ENTREP2: variants seen among roughly 807,000 people sequenced by gnomAD.
ENTREP2 encodes the protein protein ENTREP2.
chr15:29,381,494 G>T, the ENTREP2 span, among the ~76,000 whole-genome samples: 1 of 136,362 alleles, frequency 7.3e-6, no homozygotes, highest in East Asian at 2.4e-4. Flanking sequence ...CTTGGTTCAC[G>T]CTCGGTCCTT....
At chr15:29,647,009 C>A in the ENTREP2 span, among the ~76,000 whole-genome samples, 1 of 152,200 alleles carries the variant, frequency 6.6e-6, no homozygotes, top group African/African-American at 2.4e-5. Flanking sequence ...TCATGCCTCT[C>A]CACCCACCTG....
At chr15:29,546,249 T>A in the ENTREP2 span, among the ~76,000 whole-genome samples, 2 of 152,188 alleles carry the variant, frequency 1.3e-5, no homozygotes, top group African/African-American at 4.8e-5. Flanking sequence ...GCATCTTTTT[T>A]AAGATAAAAG....
the ENTREP2 span, among the ~76,000 whole-genome samples, chr15:29,270,417 G>A: frequency 1.3e-5 from 2 of 151,488 alleles, no homozygotes; most frequent in African/African-American, 4.9e-5. Flanking sequence ...ACTATGAGAA[G>A]ACCACAAAAA....
At chr15:29,342,247 T>C in the ENTREP2 span, among the ~76,000 whole-genome samples, 4 of 152,158 alleles carry the variant, frequency 2.6e-5, 1 homozygote, top group South Asian at 6.2e-4. Flanking sequence ...TTTGTATGTG[T>C]ATGGGCAGGG....
chr15:29,446,153 A>G, the ENTREP2 span, among the ~76,000 whole-genome samples: 2 of 152,234 alleles, frequency 1.3e-5, no homozygotes, highest in Non-Finnish European at 2.9e-5. Context: ...CCTTCCTCAG[A>G]CACTGAATCT....
the ENTREP2 span, among the ~76,000 whole-genome samples, chr15:29,404,579 C>T: frequency 6.6e-6 from 1 of 151,920 alleles, no homozygotes; most frequent in Admixed American, 6.6e-5. Flanking sequence ...CTCACACTCC[C>T]CAGCTGCTCG....
chr15:29,300,321 TGGATGGATG>T, the ENTREP2 span, among the ~76,000 whole-genome samples: 2 of 95,670 alleles, frequency 2.1e-5, no homozygotes, highest in East Asian at 3.4e-4. Context: ...GATGGATGGA[TGGATGGATG>T]GATGATGGAT....
At chr15:29,619,233 A>G in the ENTREP2 span, among the ~76,000 whole-genome samples, 2 of 152,254 alleles carry the variant, frequency 1.3e-5, no homozygotes, top group Non-Finnish European at 2.9e-5. Context: ...TCTACTAAAA[A>G]TACAAAAAAT....
At chr15:29,525,439 G>A in the ENTREP2 span, among the ~76,000 whole-genome samples, 10 of 152,338 alleles carry the variant, frequency 6.6e-5, no homozygotes, top group African/African-American at 2.4e-4. Context: ...TCACAAAATA[G>A]ACGAACCTCA....
chr15:29,589,825 C>G, the ENTREP2 span, among the ~76,000 whole-genome samples: 1 of 152,192 alleles, frequency 6.6e-6, no homozygotes, highest in South Asian at 2.1e-4. Context: ...AGCTCTGTAA[C>G]CTGGGACAGG....
chr15:29,621,384 G>T, the ENTREP2 span, among the ~76,000 whole-genome samples: 1 of 151,426 alleles, frequency 6.6e-6, no homozygotes, highest in East Asian at 1.9e-4. Flanking sequence ...TTAGCCAGGC[G>T]TGGTGGCGGG....
chr15:29,221,646 C>A, the ENTREP2 span, among the ~76,000 whole-genome samples: 1 of 152,038 alleles, frequency 6.6e-6, no homozygotes, highest in Non-Finnish European at 1.5e-5. Context: ...GTCTTGCCTT[C>A]GTCTCCTTCT....
the ENTREP2 span, among the ~76,000 whole-genome samples, chr15:29,243,484 G>A: frequency 1.3e-5 from 2 of 152,070 alleles, no homozygotes; most frequent in African/African-American, 4.8e-5. Flanking sequence ...TATCAACAAT[G>A]CCAATCTATA....
the ENTREP2 span, among the ~76,000 whole-genome samples, chr15:29,575,017 C>T: frequency 3.3e-5 from 5 of 152,122 alleles, no homozygotes; most frequent in Admixed American, 2.0e-4. Context: ...AGAAGGAATG[C>T]GGAGAGGTGT....
the ENTREP2 span, among the ~76,000 whole-genome samples, chr15:29,598,850 C>T: frequency 6.6e-6 from 1 of 152,178 alleles, no homozygotes; most frequent in South Asian, 2.1e-4. Context: ...GCGCCCGCCA[C>T]CGCGCCCAGC....
chr15:29,575,274 C>G, the ENTREP2 span, among the ~76,000 whole-genome samples: 15 of 152,286 alleles, frequency 9.8e-5, no homozygotes, highest in African/African-American at 3.4e-4. Context: ...AGAAAATTCT[C>G]TCTAAAGAAA....
the ENTREP2 span, among the ~76,000 whole-genome samples, chr15:29,233,018 T>C: frequency 6.6e-6 from 1 of 152,250 alleles, no homozygotes; most frequent in Non-Finnish European, 1.5e-5. Context: ...TGTCCCTTCA[T>C]GTCAGAATGT....
the ENTREP2 span, among the ~76,000 whole-genome samples, chr15:29,533,631 C>T: frequency 6.6e-6 from 1 of 152,114 alleles, no homozygotes; most frequent in African/African-American, 2.4e-5. Context: ...GAGCTCCCTG[C>T]CCATAAGGTC....
At chr15:29,387,076 C>T in the ENTREP2 span, among the ~76,000 whole-genome samples, 1 of 152,200 alleles carries the variant, frequency 6.6e-6, no homozygotes, top group East Asian at 1.9e-4. Context: ...TGTCTTGTGC[C>T]AGTTTTCAAA....
Sources: allele counts gnomAD v4.1 joint callset (sites outside exome capture counted in the v4.1 genomes callset), GRCh38; gene constraint gnomAD v4.1.1; transcripts MANE v1.5; gene names NCBI Gene and HGNC (gene_info 2026-07-23, HGNC 2026-07-21).